MEI4: variants seen among roughly 807,000 people sequenced by gnomAD.
The protein encoded by MEI4 is meiosis-specific protein MEI4.
In MEI4, 27 loss-of-function variants were observed where a neutral mutation model predicts 31.4. The observed-to-expected ratio is 0.86, with a 90% CI of 0.63 to 1.19. MEI4 has a LOEUF of 1.19. Among genes scored for constraint, MEI4 ranks in the 50% most tolerant of loss-of-function variants. MEI4 has a pLI of 0.00. For synonymous variants in MEI4, 122 were observed against 145.4 expected (o/e 0.84, Z 1.16); for missense variants, 329 against 398.9 (o/e 0.82, Z 1.49).
At chr6:77,804,979 C>T (rs1949205) in intron 3 of MEI4, among the ~76,000 whole-genome samples, 21,028 of 152,070 alleles carry the variant, frequency 0.14, 1,545 homozygotes, top group Middle Eastern at 0.21. Context: ...CTTTTGGCAT[C>T]GTTTGGCATA....
chr6:77,856,681 G>T (rs1770754210), intron 4 of MEI4, among the ~76,000 whole-genome samples: 1 of 152,142 alleles, frequency 6.6e-6, no homozygotes, highest in Non-Finnish European at 1.5e-5. Context: ...CTAAGGCCCG[G>T]CATCCAGACC....
At chr6:77,798,305 A>T (rs1056587736) in intron 3 of MEI4, among the ~76,000 whole-genome samples, 1 of 151,476 alleles carries the variant, frequency 6.6e-6, no homozygotes, top group African/African-American at 2.4e-5. Flanking sequence ...TAACGTATTG[A>T]TTATTATTCA....
intron 2 of MEI4, among the ~76,000 whole-genome samples, chr6:77,691,139 A>G (rs1055241203): frequency 4.6e-5 from 7 of 152,070 alleles, no homozygotes; most frequent in Non-Finnish European, 7.4e-5. Flanking sequence ...TGTGAAGGCA[A>G]TAAGGTCTTT....
intron 4 of MEI4, among the ~76,000 whole-genome samples, chr6:77,917,650 G>T: frequency 1.2e-5 from 1 of 83,708 alleles, no homozygotes; most frequent in Non-Finnish European, 2.2e-5. Context: ...TGAGTTCATT[G>T]TAGATTCTGG....
At chr6:77,666,264 C>T (rs1245009163) in intron 1 of MEI4, among the ~76,000 whole-genome samples, 2 of 152,108 alleles carry the variant, frequency 1.3e-5, no homozygotes, top group Non-Finnish European at 2.9e-5. Context: ...TTACAAAGTA[C>T]ATTGATCAGT....
At chr6:77,856,214 C>A (rs909976320) in intron 4 of MEI4, among the ~76,000 whole-genome samples, 11 of 152,146 alleles carry the variant, frequency 7.2e-5, no homozygotes, top group Non-Finnish European at 1.6e-4. Flanking sequence ...CCTTTTCAGC[C>A]TCATCTCCCA....
chr6:77,915,275 T>C (rs1297353627), intron 4 of MEI4, among the ~76,000 whole-genome samples: 1 of 152,102 alleles, frequency 6.6e-6, no homozygotes, highest in Admixed American at 6.6e-5. Context: ...ATATCTTCAT[T>C]TCACTTCTGG....
chr6:77,754,408 G>GACC (rs2127679479), intron 2 of MEI4, among the ~76,000 whole-genome samples: 1 of 152,214 alleles, frequency 6.6e-6, no homozygotes, highest in East Asian at 1.9e-4. Flanking sequence ...CTGCACCTGA[G>GACC]ACCACCTCAG....
At chr6:77,816,589 CG>C (rs1374273982) in intron 3 of MEI4, among the ~76,000 whole-genome samples, 2 of 151,980 alleles carry the variant, frequency 1.3e-5, no homozygotes, top group Admixed American at 6.6e-5. Context: ...TGAATAGTGC[CG>C]CAATAAACAT....
chr6:77,660,900 C>A (rs35943006), intron 1 of MEI4, among the ~76,000 whole-genome samples: 1 of 151,996 alleles, frequency 6.6e-6, no homozygotes, highest in African/African-American at 2.4e-5. Context: ...AGATTCTTAA[C>A]AAGAACTGAT....
rs574229925 is a variant in MEI4, at chr6:77,687,234, T to C, written c.-14-3424T>C. ...TGCTGTGTTCTAAAAAGACTGATTT[T>C]ATACTTTAAACTATTAAGAATTAAG... is the stretch of plus-strand genomic sequence containing the variant. On this transcript the variant is annotated intron_variant, in intron 1 of 4. Transcript: ENST00000684080. Among the ~76,000 whole-genome samples, 3 of 152,280 alleles carry C rather than the reference T, an allele frequency of 2.0e-5. No individual in the cohort carries two copies. The South Asian group carries it at 6.2e-4, about 32-fold the overall frequency.
intron 4 of MEI4, among the ~76,000 whole-genome samples, chr6:77,863,951 G>C (rs376033992): frequency 3.3e-5 from 5 of 151,926 alleles, no homozygotes; most frequent in South Asian, 2.1e-4. Flanking sequence ...AAAGAATTTT[G>C]AACCCAGAAT....
chr6:77,801,621 A>G (rs1044398541), intron 3 of MEI4, among the ~76,000 whole-genome samples: 1 of 152,138 alleles, frequency 6.6e-6, no homozygotes. Context: ...TCTTGTGGGC[A>G]TTTAGTGCTA....
intron 4 of MEI4, among the ~76,000 whole-genome samples, chr6:77,917,961 G>GA (rs1321840571): frequency 6.6e-6 from 1 of 151,214 alleles, no homozygotes; most frequent in African/African-American, 2.4e-5. Context: ...GTAAGGAAGG[G>GA]ATCCAGTTTC....
intron 2 of MEI4, among the ~76,000 whole-genome samples, chr6:77,713,999 TTC>T (rs1393364270): frequency 6.6e-6 from 1 of 152,196 alleles, no homozygotes; most frequent in Non-Finnish European, 1.5e-5. Flanking sequence ...GGTTTTCTGT[TTC>T]TGTGTTAGTT....
chr6:77,795,500 G>T (rs1318893376), intron 3 of MEI4, among the ~76,000 whole-genome samples: 1 of 151,862 alleles, frequency 6.6e-6, no homozygotes, highest in East Asian at 1.9e-4. Flanking sequence ...ACAAAACTAA[G>T]AGTCAGTTTT....
At chr6:77,806,823 C>T (rs560575414) in intron 3 of MEI4, among the ~76,000 whole-genome samples, 33 of 152,226 alleles carry the variant, frequency 2.2e-4, no homozygotes, top group South Asian at 1.0e-3. Context: ...ATCCAGCCTA[C>T]GACTTGTTTT....
chr6:77,732,900 C>G (rs1489060934), intron 2 of MEI4, among the ~76,000 whole-genome samples: 1 of 151,430 alleles, frequency 6.6e-6, no homozygotes, highest in Non-Finnish European at 1.5e-5. Context: ...TGGTTTTTGT[C>G]TTTGGTTCTG....
At chr6:77,692,358 T>C (rs956737235) in intron 2 of MEI4, among the ~76,000 whole-genome samples, 3 of 152,034 alleles carry the variant, frequency 2.0e-5, no homozygotes, top group Admixed American at 6.6e-5. Flanking sequence ...GAGCTTATGT[T>C]CACTGAGGAG....
Sources: allele counts gnomAD v4.1 joint callset (sites outside exome capture counted in the v4.1 genomes callset), GRCh38; gene constraint gnomAD v4.1.1; transcripts MANE v1.5; gene names NCBI Gene and HGNC (gene_info 2026-07-23, HGNC 2026-07-21).